PDE1A: variants seen among roughly 807,000 people sequenced by gnomAD.
PDE1A encodes dual specificity calcium/calmodulin-dependent 3',5'-cyclic nucleotide phosphodiesterase 1A.
Under a neutral mutation model 61.7 loss-of-function variants are expected in PDE1A, and 35 were observed. The ratio of observed to expected loss-of-function variants is 0.57; its 90% CI spans 0.43 to 0.75. The LOEUF is 0.75. Ranked by LOEUF, PDE1A falls within the 30% of genes least tolerant of loss-of-function variation. PDE1A has a pLI of 0.00. For synonymous variants in PDE1A, 232 were observed against 213.2 expected (o/e 1.09, Z -0.77); for missense variants, 597 against 630.6 (o/e 0.95, Z 0.57).
intron 9 of PDE1A, 34 bp downstream of exon 9, chr2:182,201,650 CAAAA>C: frequency 2.4e-6 from 3 of 1,266,430 alleles, no homozygotes; most frequent in Non-Finnish European, 3.2e-6. Context: ...TTTAACATGA[CAAAA>C]AAAAAAAAAC....
chr2:182,683,302 C>G, the PDE1A span, among the ~76,000 whole-genome samples: 1 of 152,062 alleles, frequency 6.6e-6, no homozygotes, highest in Non-Finnish European at 1.5e-5. Context: ...TGGTCTTGAA[C>G]TCCTGACCTC....
intron 1 of PDE1A, among the ~76,000 whole-genome samples, chr2:182,300,276 G>A (rs1695154924): frequency 6.6e-6 from 1 of 152,188 alleles, no homozygotes; most frequent in Non-Finnish European, 1.5e-5. Context: ...TCAGGAATAG[G>A]TAGACTAGCT....
At chr2:182,508,769 T>A (rs1689583987) in intron 2 of PDE1A, among the ~76,000 whole-genome samples, 1 of 149,746 alleles carries the variant, frequency 6.7e-6, no homozygotes, top group African/African-American at 2.4e-5. Context: ...TTTTTAAAGC[T>A]TGTTGATTAT....
At chr2:182,683,252 T>C in the PDE1A span, among the ~76,000 whole-genome samples, 2 of 151,924 alleles carry the variant, frequency 1.3e-5, no homozygotes, top group African/African-American at 2.4e-5. Flanking sequence ...GTAATTTTTG[T>C]ACTTTTAGTA....
At chr2:182,212,212 C>A (rs970651581) in intron 7 of PDE1A, among the ~76,000 whole-genome samples, 2 of 150,018 alleles carry the variant, frequency 1.3e-5, no homozygotes, top group African/African-American at 2.4e-5. Context: ...ATATTACGTA[C>A]GAGATAATGT....
At chr2:182,303,909 GTTTT>G (rs1158164281) in intron 1 of PDE1A, among the ~76,000 whole-genome samples, 405 of 151,670 alleles carry the variant, frequency 2.7e-3, no homozygotes, top group Admixed American at 3.7e-3. Flanking sequence ...TTGTTTGTTT[GTTTT>G]TTTGTTGAGA....
At chr2:182,677,554 A>C in the PDE1A span, among the ~76,000 whole-genome samples, 1 of 152,300 alleles carries the variant, frequency 6.6e-6, no homozygotes, top group East Asian at 1.9e-4. Context: ...CTATCTTAAA[A>C]TTCATATGGA....
At chr2:182,322,554 C>A (rs1053225594) in intron 1 of PDE1A, among the ~76,000 whole-genome samples, 4 of 152,174 alleles carry the variant, frequency 2.6e-5, no homozygotes, top group African/African-American at 9.7e-5. Flanking sequence ...GTCCATTAAA[C>A]CTCTTTTTCT....
At chr2:182,234,984 T>C (rs998689586) in intron 3 of PDE1A, among the ~76,000 whole-genome samples, 9 of 152,252 alleles carry the variant, frequency 5.9e-5, no homozygotes, top group Admixed American at 5.2e-4. Context: ...CCCCTTCTTT[T>C]ATTTAATGAT....
At chr2:182,715,629 G>C in the PDE1A span, among the ~76,000 whole-genome samples, 1 of 152,218 alleles carries the variant, frequency 6.6e-6, no homozygotes, top group South Asian at 2.1e-4. Flanking sequence ...TACCATAGCA[G>C]TAGGAGATCA....
chr2:182,418,817 T>G (rs1385816973), intron 1 of PDE1A, among the ~76,000 whole-genome samples: 1 of 152,068 alleles, frequency 6.6e-6, no homozygotes, highest in African/African-American at 2.4e-5. Context: ...GAGTTTCCTC[T>G]TCCTCTTAAG....
At chr2:182,392,722 T>C (rs767720014) in intron 1 of PDE1A, among the ~76,000 whole-genome samples, 4 of 152,248 alleles carry the variant, frequency 2.6e-5, no homozygotes, top group Non-Finnish European at 5.9e-5. Flanking sequence ...ATGGGAGAAA[T>C]TGGCCAAAAT....
chr2:182,510,831 T>C (rs961542822), intron 2 of PDE1A, among the ~76,000 whole-genome samples: 2 of 152,160 alleles, frequency 1.3e-5, no homozygotes, highest in African/African-American at 4.8e-5. Context: ...TATACCCTAG[T>C]TCCTGCTCCA....
intron 1 of PDE1A, among the ~76,000 whole-genome samples, chr2:182,288,044 A>G (rs1422292345): frequency 6.9e-6 from 1 of 145,124 alleles, no homozygotes; most frequent in Admixed American, 7.0e-5. Context: ...TTACAAGGAA[A>G]GCCAAATTAT....
intron 7 of PDE1A, among the ~76,000 whole-genome samples, chr2:182,220,000 G>A (rs751010167): frequency 6.8e-4 from 103 of 152,094 alleles, no homozygotes; most frequent in Non-Finnish European, 1.1e-3. Flanking sequence ...GTGTCTGATA[G>A]TCTGCCAGAT....
chr2:182,584,079 G>C, the PDE1A span, among the ~76,000 whole-genome samples: 1 of 152,350 alleles, frequency 6.6e-6, no homozygotes, highest in South Asian at 2.1e-4. Flanking sequence ...TAAAAAGGCA[G>C]CTCTAGAGAT....
chr2:182,167,270 A>C (rs1177551394), downstream of PDE1A, among the ~76,000 whole-genome samples: 1 of 152,096 alleles, frequency 6.6e-6, no homozygotes, highest in Non-Finnish European at 1.5e-5. Context: ...TATAGCCCAC[A>C]CCACTACAAC....
At chr2:182,369,424 G>T (rs1378478950) in intron 1 of PDE1A, among the ~76,000 whole-genome samples, 1 of 152,012 alleles carries the variant, frequency 6.6e-6, no homozygotes, top group Non-Finnish European at 1.5e-5. Flanking sequence ...TTGCTTAAAA[G>T]GCAGCTGCAA....
chr2:182,357,045 C>T (rs768511111), intron 1 of PDE1A, among the ~76,000 whole-genome samples: 17 of 151,582 alleles, frequency 1.1e-4, no homozygotes, highest in African/African-American at 1.9e-4. Context: ...GTGTGGGGAG[C>T]GGGGAGGGAT....
Sources: gnomAD v4.1 joint callset for allele counts (sites outside exome capture counted in the v4.1 genomes callset) on GRCh38, gnomAD v4.1.1 for gene constraint, MANE v1.5 for transcripts, NCBI Gene and HGNC (gene_info 2026-07-23, HGNC 2026-07-21) for gene names.